Variants in SGCZ observed in about 807,000 individuals in gnomAD.
SGCZ encodes zeta-sarcoglycan.
A neutral mutation model predicts 41.3 loss-of-function variants in SGCZ; 40 were observed. The observed-to-expected ratio is 0.97, with a 90% CI of 0.75 to 1.26. SGCZ has a LOEUF of 1.26. Ranked by LOEUF, SGCZ falls within the 50% of genes most tolerant of loss-of-function variation. The pLI is 0.00. For missense variants in SGCZ, 552 were observed against 369.8 expected (o/e 1.49, Z -4.04); for synonymous variants, 206 against 137.5 (o/e 1.50, Z -3.49).
chr8:14,964,357 C>G (rs771395140), intron 1 of SGCZ, among the ~76,000 whole-genome samples: 5 of 152,208 alleles, frequency 3.3e-5, no homozygotes, highest in Non-Finnish European at 7.3e-5. Flanking sequence ...TTATTTCTCA[C>G]TGAAATGCCT....
chr8:14,479,743 T>TGAGA (rs1801475801), intron 2 of SGCZ, among the ~76,000 whole-genome samples: 1 of 83,616 alleles, frequency 1.2e-5, no homozygotes, highest in Non-Finnish European at 2.8e-5. Context: ...TTTTTTTTTT[T>TGAGA]TTTTTTTTTT....
intron 2 of SGCZ, among the ~76,000 whole-genome samples, chr8:14,504,885 G>A (rs910688179): frequency 1.3e-5 from 2 of 152,004 alleles, no homozygotes; most frequent in African/African-American, 4.8e-5. Context: ...TTTATAAATT[G>A]TGATTCCTAA....
chr8:14,249,300 G>C (rs1799206325), intron 3 of SGCZ, among the ~76,000 whole-genome samples: 1 of 152,106 alleles, frequency 6.6e-6, no homozygotes, highest in African/African-American at 2.4e-5. Context: ...TTGATTTTCA[G>C]GCCTTCATGT....
At chr8:14,751,862 G>T (rs1014898030) in intron 1 of SGCZ, among the ~76,000 whole-genome samples, 4 of 151,584 alleles carry the variant, frequency 2.6e-5, no homozygotes, top group African/African-American at 9.7e-5. Flanking sequence ...AACCCGGGAG[G>T]CAGAGCTTGC....
intron 1 of SGCZ, among the ~76,000 whole-genome samples, chr8:14,885,223 T>C (rs904510339): frequency 6.6e-6 from 1 of 152,196 alleles, no homozygotes; most frequent in Non-Finnish European, 1.5e-5. Flanking sequence ...CAGTCATCCC[T>C]TGAGGAAAGA....
At chr8:14,667,623 T>C (rs1052529180) in intron 1 of SGCZ, among the ~76,000 whole-genome samples, 1 of 152,226 alleles carries the variant, frequency 6.6e-6, no homozygotes, top group African/African-American at 2.4e-5. Flanking sequence ...ATGTGCTGTT[T>C]ATACCACAAA....
chr8:14,709,297 G>C (rs17120120), intron 1 of SGCZ, among the ~76,000 whole-genome samples: 2,424 of 152,196 alleles, frequency 0.016, 30 homozygotes, highest in South Asian at 0.067. Context: ...AATGTCTTGC[G>C]TGTGTAACTA....
intron 1 of SGCZ, among the ~76,000 whole-genome samples, chr8:15,165,748 G>C (rs917239321): frequency 7.9e-5 from 12 of 152,212 alleles, no homozygotes; most frequent in Non-Finnish European, 1.8e-4. Flanking sequence ...TAGGGTTAAA[G>C]TATTTTGAGT....
At chr8:14,556,852 G>T (rs1804049162) in intron 1 of SGCZ, among the ~76,000 whole-genome samples, 1 of 152,010 alleles carries the variant, frequency 6.6e-6, no homozygotes, top group Admixed American at 6.6e-5. Flanking sequence ...CATTTGGGCT[G>T]GTTCCATATT....
intron 1 of SGCZ, among the ~76,000 whole-genome samples, chr8:14,916,599 G>A (rs747875685): frequency 1.3e-5 from 2 of 152,168 alleles, no homozygotes. Flanking sequence ...TAACAAACTT[G>A]CCTTTAAAGG....
intron 4 of SGCZ, among the ~76,000 whole-genome samples, chr8:14,175,543 G>A (rs1422048030): frequency 6.6e-6 from 1 of 152,012 alleles, no homozygotes; most frequent in Admixed American, 6.5e-5. Flanking sequence ...AAGATACAAA[G>A]TAATAGACTT....
At chr8:15,154,203 C>T (rs776338290) in intron 1 of SGCZ, among the ~76,000 whole-genome samples, 2 of 152,174 alleles carry the variant, frequency 1.3e-5, no homozygotes, top group East Asian at 1.9e-4. Flanking sequence ...AAGGCAAAGA[C>T]AACCTAACAC....
intron 1 of SGCZ, among the ~76,000 whole-genome samples, chr8:15,094,189 G>C (rs6989374): frequency 0.94 from 143,626 of 152,034 alleles, 67,930 homozygotes; most frequent in Admixed American, 0.97. Context: ...GGATGGCGTG[G>C]AGTGGTGTGA....
intron 1 of SGCZ, among the ~76,000 whole-genome samples, chr8:15,067,497 G>C (rs971843104): frequency 1.1e-4 from 17 of 152,228 alleles, no homozygotes; most frequent in African/African-American, 3.9e-4. Flanking sequence ...TTAGGACTGG[G>C]TGTCCCAGGA....
At chr8:15,097,900 A>ACACGTGTG (rs1563124207) in intron 1 of SGCZ, among the ~76,000 whole-genome samples, 4 of 120,408 alleles carry the variant, frequency 3.3e-5, no homozygotes, top group African/African-American at 1.2e-4. Context: ...ATATATATAT[A>ACACGTGTG]TATATATATA....
At chr8:14,098,387 G>T (rs577361122) in intron 7 of SGCZ, among the ~76,000 whole-genome samples, 1 of 152,214 alleles carries the variant, frequency 6.6e-6, no homozygotes, top group Non-Finnish European at 1.5e-5. Flanking sequence ...ATACATTTTG[G>T]GGGTATGGAT....
At chr8:14,383,771 G>A (rs970702999) in intron 2 of SGCZ, among the ~76,000 whole-genome samples, 34 of 152,240 alleles carry the variant, frequency 2.2e-4, no homozygotes, top group African/African-American at 7.9e-4. Flanking sequence ...TAGTGAGGTT[G>A]TAAGATCAGG....
At chr8:14,565,664 A>G (rs1377733766) in intron 1 of SGCZ, among the ~76,000 whole-genome samples, 1 of 152,116 alleles carries the variant, frequency 6.6e-6, no homozygotes, top group Non-Finnish European at 1.5e-5. Context: ...GAAAGCCCAC[A>G]CTACTTCAAA....
At chr8:15,002,584 A>G (rs1398753951) in intron 1 of SGCZ, among the ~76,000 whole-genome samples, 1 of 152,064 alleles carries the variant, frequency 6.6e-6, no homozygotes, top group African/African-American at 2.4e-5. Context: ...TGAAGTGAGA[A>G]ATAAGACTGA....
Sources: gnomAD v4.1 joint callset for allele counts (sites outside exome capture counted in the v4.1 genomes callset) on GRCh38, gnomAD v4.1.1 for gene constraint, MANE v1.5 for transcripts, NCBI Gene and HGNC (gene_info 2026-07-23, HGNC 2026-07-21) for gene names.